Variants in KITLG observed in about 807,000 individuals in gnomAD.
KITLG encodes the protein KIT ligand, also known as c-Kit ligand.
Under a neutral mutation model 34.1 loss-of-function variants are expected in KITLG, and 13 were observed. The ratio of observed to expected loss-of-function variants is 0.38; its 90% CI spans 0.25 to 0.61. The LOEUF (loss-of-function observed/expected upper bound fraction) is 0.61, where lower values mean the gene tolerates loss of function less well. Ranked by LOEUF, KITLG falls within the 20% of genes least tolerant of loss-of-function variation. The pLI, the probability that KITLG is intolerant of heterozygous loss-of-function variation, is 0.60. For missense variants in KITLG, 292 were observed against 318.9 expected, an observed-to-expected ratio of 0.92 and a Z score of 0.64; for synonymous variants, 110 against 104.0, an observed-to-expected ratio of 1.06 and a Z score of -0.35.
Position 88,518,767 on chromosome 12 carries a change from T to C in KITLG, c.293A>G (p.Tyr98Cys). The change falls in exon 4 of 10, where the codon TAT becomes TGT. Residue 98 changes from tyrosine to cysteine, a missense_variant. Transcript: ENST00000644744. ...ATTCACAAGTTTGTCTATGATGGAATAATTACTCAAGCCTTCAGAAATATT... is the reference window on the plus strand; with the variant it reads ...ATTCACAAGTTTGTCTATGATGGAACAATTACTCAAGCCTTCAGAAATATT... The part of the protein sequence containing the change: ...FSNISEGLSN[Y>C]SIIDKLVNIV... 6.2e-7 allele frequency: 1 copy of C among 1,613,470 alleles called. No homozygotes were observed. The highest frequency in any genetic ancestry group is 8.5e-7 in the Non-Finnish European group (1 of 1,179,510).
At chr12:88,523,025 T>G (rs1869731566) in intron 3 of KITLG, among the ~76,000 whole-genome samples, 1 of 152,206 alleles carries the variant, frequency 6.6e-6, no homozygotes. Flanking sequence ...TCACCCAGCC[T>G]TCTAATCTGA....
chr12:88,533,198 T>C (rs1432172111), intron 2 of KITLG, among the ~76,000 whole-genome samples: 1 of 152,180 alleles, frequency 6.6e-6, no homozygotes, highest in Non-Finnish European at 1.5e-5. Context: ...CTAGGTTCTT[T>C]TGAAGGCTTT....
intron 1 of KITLG, among the ~76,000 whole-genome samples, chr12:88,572,895 G>A (rs963395830): frequency 6.6e-6 from 1 of 152,060 alleles, no homozygotes; most frequent in Non-Finnish European, 1.5e-5. Flanking sequence ...TCAGTCCTCT[G>A]ACTAACAGAG....
At chr12:88,548,299 C>G (rs921374085) in intron 1 of KITLG, among the ~76,000 whole-genome samples, 6 of 151,930 alleles carry the variant, frequency 3.9e-5, no homozygotes, top group Admixed American at 3.3e-4. Flanking sequence ...ACTAAAAATA[C>G]AAAAATTAGC....
chr12:88,548,531 A>C (rs1194678156), intron 1 of KITLG, among the ~76,000 whole-genome samples: 1 of 152,046 alleles, frequency 6.6e-6, no homozygotes, highest in African/African-American at 2.4e-5. Context: ...CTCTAATATC[A>C]GAAAGTCACT....
At chr12:88,549,511 G>C (rs1054948051) in intron 1 of KITLG, among the ~76,000 whole-genome samples, 2 of 152,160 alleles carry the variant, frequency 1.3e-5, no homozygotes, top group African/African-American at 4.8e-5. Flanking sequence ...AGTACGATTT[G>C]AGAGAAAGAG....
At chr12:88,523,993 T>C (rs1869774458) in intron 3 of KITLG, among the ~76,000 whole-genome samples, 1 of 152,172 alleles carries the variant, frequency 6.6e-6, no homozygotes, top group Admixed American at 6.5e-5. Context: ...CGCCCTAAAA[T>C]AGAACAGTGA....
intron 2 of KITLG, among the ~76,000 whole-genome samples, chr12:88,541,117 T>C (rs1870502823): frequency 6.6e-6 from 1 of 152,110 alleles, no homozygotes; most frequent in African/African-American, 2.4e-5. Flanking sequence ...TCAGAATTAA[T>C]CAAAACTGTC....
At chr12:88,518,067 A>G (rs1566021681) in intron 4 of KITLG, among the ~76,000 whole-genome samples, 2 of 152,100 alleles carry the variant, frequency 1.3e-5, no homozygotes, top group South Asian at 4.1e-4. Context: ...CAAATAACCT[A>G]ACGTCGACCC....
chr12:88,535,954 G>A (rs943764331), intron 2 of KITLG, among the ~76,000 whole-genome samples: 2 of 152,136 alleles, frequency 1.3e-5, no homozygotes, highest in South Asian at 4.1e-4. Flanking sequence ...AATGCTGGAA[G>A]AAAACTTAGT....
At chr12:88,564,495 T>G (rs1292303821) in intron 1 of KITLG, among the ~76,000 whole-genome samples, 1 of 152,194 alleles carries the variant, frequency 6.6e-6, no homozygotes, top group African/African-American at 2.4e-5. Flanking sequence ...AAATGAAATT[T>G]AAGATGTACT....
intron 4 of KITLG, 73 bp downstream of exon 4, chr12:88,518,624 C>T (rs992929256): frequency 2.5e-6 from 3 of 1,199,374 alleles, no homozygotes; most frequent in African/African-American, 1.5e-5. Flanking sequence ...GCCTCATTTT[C>T]CCCAACAGCA....
rs564682911 is a variant in KITLG at position 88,537,023 on chromosome 12, CAGAGA to C, written c.130-4525_130-4521del. Among the ~76,000 whole-genome samples, 8 of 152,118 alleles carry C rather than the reference CAGAGA, an allele frequency of 5.3e-5. No homozygotes were observed. In the South Asian group the frequency reaches 1.7e-3, roughly 32 times the overall value. On this transcript the variant is annotated intron_variant, in intron 2 of 9. Coordinates refer to ENST00000644744, the MANE Select transcript of KITLG (RefSeq NM_000899.5). ...AAAACAACAGATGCTGGTGTGGCTG[CAGAGA>C]AAAGGGAATGCATATACACTGTTCA...
rs560868984 is a variant in KITLG, at chr12:88,494,659, C to G, written c.*2560G>C. 1 of 152,446 alleles carries G rather than the reference C, an allele frequency of 6.6e-6. No homozygotes were observed. The highest frequency in any genetic ancestry group is 2.1e-4 in the South Asian group (1 of 4,822). 9.4% of individuals were successfully genotyped at this position (152,446 alleles called of 1,614,324 possible). On this transcript the variant is annotated 3_prime_UTR_variant, in exon 10 of 10. Coordinates refer to ENST00000644744, the MANE Select transcript of KITLG (RefSeq NM_000899.5). ...GCAACATTTATCATAAAGCCATTTT[C>G]TAAATAGACCTGGTTTCTACCAAAG...
At chr12:88,516,708 T>C (rs997161914) in intron 4 of KITLG, among the ~76,000 whole-genome samples, 5 of 151,388 alleles carry the variant, frequency 3.3e-5, no homozygotes, top group East Asian at 1.9e-4. Context: ...GAACACAATG[T>C]CATGGCAAAA....
intron 6 of KITLG, among the ~76,000 whole-genome samples, chr12:88,512,633 G>A (rs753438759): frequency 6.6e-6 from 1 of 151,902 alleles, no homozygotes. Flanking sequence ...TTGAAAGAAC[G>A]CAGAGGAAGA....
intron 1 of KITLG, among the ~76,000 whole-genome samples, chr12:88,578,034 T>A (rs1871888429): frequency 6.6e-6 from 1 of 152,210 alleles, no homozygotes; most frequent in African/African-American, 2.4e-5. Flanking sequence ...GAGGATAACA[T>A]TAGAATCAGA....
At chr12:88,541,678 A>G (rs1225712023) in intron 2 of KITLG, among the ~76,000 whole-genome samples, 3 of 152,202 alleles carry the variant, frequency 2.0e-5, no homozygotes, top group Non-Finnish European at 4.4e-5. Flanking sequence ...TTTAAAACAA[A>G]TGTTGCAACA....
Position 88,494,387 on chromosome 12 carries a change from A to C in KITLG, c.*2832T>G, listed in dbSNP as rs913189701. 3 of 152,266 alleles carry C rather than the reference A, an allele frequency of 2.0e-5. No homozygotes were observed. The highest frequency in any genetic ancestry group is 4.4e-5 in the Non-Finnish European group (3 of 67,870). The allele number at this position is 152,266 out of a possible 1,614,324, so 9.4% of individuals were successfully genotyped here. ...GAATTAGAGTAGGAAAACGTGCCCC[A>C]AAGTTTCTCCAAAGTACTTTAAAGC... On this transcript the variant is annotated 3_prime_UTR_variant, in exon 10 of 10. Coordinates refer to ENST00000644744, the MANE Select transcript of KITLG (RefSeq NM_000899.5).
Sources: allele counts gnomAD v4.1 joint callset (sites outside exome capture counted in the v4.1 genomes callset), GRCh38; gene constraint gnomAD v4.1.1; transcripts MANE v1.5; gene names NCBI Gene and HGNC (gene_info 2026-07-23, HGNC 2026-07-21).